TNC: variants seen among roughly 807,000 people sequenced by gnomAD.
TNC encodes tenascin.
TNC carries 109 observed loss-of-function variants against 202.4 expected under a neutral mutation model. The observed-to-expected ratio is 0.54, with a 90% confidence interval of 0.46 to 0.63. The LOEUF (loss-of-function observed/expected upper bound fraction) is 0.63, where lower values mean the gene tolerates loss of function less well. TNC is among the 30% of genes least tolerant of loss of function. The pLI is 0.00. For missense variants in TNC, 2,756 were observed against 2,833.3 expected (o/e 0.97, Z 0.62); for synonymous variants, 1,007 against 1,089.7 (o/e 0.92, Z 1.50).
intron 10 of TNC, among the ~76,000 whole-genome samples, chr9:115,067,949 T>C (rs952452989): frequency 2.0e-5 from 3 of 152,074 alleles, no homozygotes; most frequent in Admixed American, 6.6e-5. Context: ...GATCCCTTTA[T>C]TAAATAAATG....
chr9:115,063,482 G>C (rs924936549), intron 12 of TNC, among the ~76,000 whole-genome samples: 2 of 152,158 alleles, frequency 1.3e-5, no homozygotes, highest in Non-Finnish European at 1.5e-5. Flanking sequence ...GAGCTCATGA[G>C]CTCAGAGCTA....
chr9:115,048,228 G>A (rs1347655364), intron 16 of TNC, 32 bp downstream of exon 16: 1 of 1,605,862 alleles, frequency 6.2e-7, no homozygotes, highest in Non-Finnish European at 8.5e-7. Flanking sequence ...GGACCAGGAA[G>A]AGGAACAAAT....
rs35253785 is a variant in TNC at position 115,080,895 on chromosome 9, GAA to G, written c.2404+875_2404+876del. ...CCACTGCACTCCAGCCTGGGTGACAGAAAAAAAAAAAAAAAATGTTTCCTGGT... is the reference window on the plus strand; with the variant it reads ...CCACTGCACTCCAGCCTGGGTGACAGAAAAAAAAAAAAAATGTTTCCTGGT... On this transcript the variant is annotated intron_variant, in intron 6 of 27. Transcript: ENST00000350763. 6.2e-3 allele frequency among the ~76,000 whole-genome samples: 847 copies of G among 136,056 alleles called. 6 individuals are homozygous for G. Among genetic ancestry groups the G allele is most frequent in the African/African-American group, 0.019 (711 of 37,434 alleles). 89.3% of individuals were successfully genotyped at this position (136,056 alleles called of 152,430 possible). A position where few individuals can be genotyped will look rare whatever the true frequency, so the allele number is the denominator to read the frequency against.
At chr9:115,069,384 A>T (rs2132838261) in intron 10 of TNC, among the ~76,000 whole-genome samples, 1 of 152,034 alleles carries the variant, frequency 6.6e-6, no homozygotes, top group South Asian at 2.1e-4. Context: ...TTATAAGAGT[A>T]CAAAAGCAGA....
chr9:115,053,148 G>T, intron 15 of TNC: 1 of 607,174 alleles, frequency 1.6e-6, no homozygotes, highest in South Asian at 2.0e-5. Context: ...AGTATGTTAG[G>T]CTGTGTCTAC....
intron 15 of TNC, among the ~76,000 whole-genome samples, chr9:115,051,816 A>C (rs772072550): frequency 2.0e-4 from 30 of 151,904 alleles, no homozygotes; most frequent in Admixed American, 4.6e-4. Context: ...ACAGCCAATA[A>C]AACTGGGCAC....
At chr9:115,116,543 G>C (rs1246174732) in intron 1 of TNC, among the ~76,000 whole-genome samples, 1 of 152,152 alleles carries the variant, frequency 6.6e-6, no homozygotes, top group East Asian at 1.9e-4. Context: ...ATATGGGAAA[G>C]CTCTGTAAAA....
rs191515157 is a variant in TNC at position 115,098,285 on chromosome 9, G to A, written c.-136-7131C>T. ...GTTGGGAAACCAAGGCCAGTGTCAT[G>A]CCAGTCGTAATGGCTTTTTAGCTCA... On this transcript the variant is annotated intron_variant, in intron 1 of 27. Transcript: ENST00000350763. Among the ~76,000 whole-genome samples, 783 of 152,332 alleles carry A rather than the reference G, an allele frequency of 5.1e-3. 33 individuals carry two copies. Among genetic ancestry groups the A allele is most frequent in the Non-Finnish European group, 6.0e-4 (41 of 68,032 alleles).
At chr9:115,090,474 C>A (rs2133655980) in intron 2 of TNC, 88 bp downstream of exon 2, 1 of 1,107,364 alleles carries the variant, frequency 9.0e-7, no homozygotes, top group Non-Finnish European at 1.3e-6. Context: ...CTAGTGAGCC[C>A]ACTTTGGAAG....
chr9:115,086,497 A>G lies in TNC; in HGVS notation c.1234T>C (p.Cys412Arg). The G allele has an allele frequency of 6.2e-7, 1 of 1,613,874 alleles. No homozygotes were observed. The highest frequency in any genetic ancestry group is 8.5e-7 in the Non-Finnish European group (1 of 1,180,012). The change falls in exon 3 of 28, where the codon TGC becomes CGC. Residue 412 changes from cysteine (C) to arginine (R), a missense_variant. Physicochemically the swap from Cys to Arg is radical, Grantham distance 180 (BLOSUM62 -3). This residue lies in a region of TNC where 2,559 missense variants were observed against 2,546.0 expected (regional missense o/e 1.01). Coordinates refer to ENST00000350763, the MANE Select transcript of TNC (RefSeq NM_002160.4). ...TTGACACAGCGGCCATGGCCACTGC[A>G]GCCATTGGGACACTTGAGCTCCCCA... ...DCGELKCPNG[C>R]SGHGRCVNGQ...
In TNC at chr9:115,084,449, C is replaced by T; in HGVS notation, c.1891G>A (p.Val631Met). The change falls in exon 4 of 28, where the codon GTG (valine) becomes ATG (methionine). Residue 631 changes from valine (V) to methionine (M), a missense_variant. Transcript: ENST00000350763. Reference protein sequence around the residue: ...SEVSPPKDLVVTEVTEETVNL... With the variant: ...SEVSPPKDLVMTEVTEETVNL... ...ACCGTCTCTTCCGTCACTTCTGTCA[C>T]AACGAGGTCTTTGGGAGGAGACACT... 6.2e-7 allele frequency: 1 copy of T among 1,614,182 alleles called. No individual in the cohort carries two copies. Among genetic ancestry groups the T allele is most frequent in the Non-Finnish European group, 8.5e-7 (1 of 1,180,010 alleles).
chr9:115,084,073 G>A, intron 4 of TNC, 136 bp downstream of exon 4: 2 of 932,020 alleles, frequency 2.1e-6, no homozygotes, highest in South Asian at 1.7e-5. Flanking sequence ...GTGATTCTAT[G>A]GACTTAATTC....
chr9:115,029,545 G>A (rs1415687154), intron 24 of TNC, 89 bp from the exon 25 acceptor site: 3 of 1,276,934 alleles, frequency 2.3e-6, no homozygotes, highest in Non-Finnish European at 1.1e-6. Flanking sequence ...GCACTGTGGA[G>A]AGAGCATCAG....
chr9:115,038,130 C>G, intron 20 of TNC, 131 bp downstream of exon 20: 1 of 1,245,970 alleles, frequency 8.0e-7, no homozygotes, highest in Non-Finnish European at 1.1e-6. Flanking sequence ...ATGAACATTA[C>G]TGGCCTTTTC....
At chr9:115,079,836 AC>A (rs1311199339) in intron 6 of TNC, among the ~76,000 whole-genome samples, 2 of 152,220 alleles carry the variant, frequency 1.3e-5, no homozygotes, top group Non-Finnish European at 2.9e-5. Flanking sequence ...AAACATATTG[AC>A]CTCAAAAGTA....
In TNC at chr9:115,091,134, T is replaced by C; in HGVS notation, c.-116A>G. 1 of 786,432 alleles carries C rather than the reference T, an allele frequency of 1.3e-6. No homozygotes were observed. Among genetic ancestry groups the C allele is most frequent in the Non-Finnish European group, 2.0e-6 (1 of 503,978 alleles). 48.7% of individuals were successfully genotyped at this position (786,432 alleles called of 1,614,324 possible). On this transcript the variant is annotated 5_prime_UTR_variant, in exon 2 of 28. Coordinates refer to ENST00000350763, the MANE Select transcript of TNC (RefSeq NM_002160.4). ...TAGACTTCAAATCAGTTGTCCCTGA[T>C]CTTCTTGAAAGAATTATTTTCTACA...
rs2131492424 is a variant in TNC at position 115,024,033 on chromosome 9, C to T, written c.6435G>A (p.Trp2145Ter). The change falls in exon 27 of 28, where the codon TGG (tryptophan) becomes TGA (stop). Residue 2145 changes from tryptophan to a stop codon, truncating the protein, a stop_gained. Coordinates refer to ENST00000350763, the MANE Select transcript of TNC (RefSeq NM_002160.4). LOFTEE classifies it high-confidence loss of function. ...NCALSYKGAF[W>*]YRNCHRVNLM... ...GGTTGACACGGTGACAGTTCCTGTA[C>T]CAGAAAGCCCCTTTGTAGGACAGAG... The T allele has an allele frequency of 6.2e-7, 1 of 1,614,106 alleles. No homozygotes were observed. The highest frequency in any genetic ancestry group is 8.5e-7 in the Non-Finnish European group (1 of 1,179,986).
rs970213473 is a variant in TNC, at chr9:115,048,196, G to A, written c.4852+64C>T. ...AAAGATGTTAAAGTCATGGCGATCC[G>A]GTAGACAGATTACACAGAAGGGGAC... is the stretch of plus-strand genomic sequence containing the variant. On this transcript the variant is annotated intron_variant, in intron 16 of 27. Transcript: ENST00000350763. The A allele has an allele frequency of 2.7e-5, 42 of 1,567,636 alleles. No individual in the cohort carries two copies. The African/African-American group carries it at 3.3e-4, about 12-fold the overall frequency.
intron 5 of TNC, 96 bp downstream of exon 5, chr9:115,082,596 A>T: frequency 1.2e-6 from 1 of 831,452 alleles, no homozygotes; most frequent in Non-Finnish European, 1.9e-6. Flanking sequence ...TCCACCAAAA[A>T]CTAAGGAAAA....
Sources: gnomAD v4.1 joint callset for allele counts (sites outside exome capture counted in the v4.1 genomes callset) on GRCh38, gnomAD v4.1.1 for gene constraint, gnomAD v4.1.1 regional missense constraint, MANE v1.5 for transcripts, NCBI Gene and HGNC (gene_info 2026-07-23, HGNC 2026-07-21) for gene names.